PGCKA1: variants seen among roughly 807,000 people sequenced by gnomAD.
PGCKA1 encodes the protein PDCD10 and GCKIII kinases associated 1, also known as PDCD10 and GCKIII kinases-associated protein 1.
the PGCKA1 span, among the ~76,000 whole-genome samples, chr4:37,486,046 T>C: frequency 6.6e-6 from 1 of 152,240 alleles, no homozygotes; most frequent in African/African-American, 2.4e-5. Flanking sequence ...GATATGTCTT[T>C]GTTCAAGGTA....
the PGCKA1 span, among the ~76,000 whole-genome samples, chr4:37,565,140 G>T: frequency 6.6e-6 from 1 of 152,164 alleles, no homozygotes; most frequent in East Asian, 1.9e-4. Flanking sequence ...GATCTGGGAG[G>T]CTGGGGAGTG....
the PGCKA1 span, among the ~76,000 whole-genome samples, chr4:37,550,585 G>A: frequency 6.6e-6 from 1 of 152,130 alleles, no homozygotes; most frequent in Non-Finnish European, 1.5e-5. Context: ...GTATCATTGA[G>A]CATTGATGGA....
At chr4:37,559,809 C>T in the PGCKA1 span, among the ~76,000 whole-genome samples, 30 of 152,260 alleles carry the variant, frequency 2.0e-4, no homozygotes, top group African/African-American at 6.0e-4. Flanking sequence ...TCCGAACTTG[C>T]ATTATAATCT....
At chr4:37,476,070 A>G in the PGCKA1 span, among the ~76,000 whole-genome samples, 1 of 151,834 alleles carries the variant, frequency 6.6e-6, no homozygotes, top group South Asian at 2.1e-4. Context: ...AAAATAATGT[A>G]TCTGGCTCTA....
chr4:37,504,024 C>T, the PGCKA1 span, among the ~76,000 whole-genome samples: 14 of 152,148 alleles, frequency 9.2e-5, no homozygotes, highest in African/African-American at 3.4e-4. Context: ...TTTGTCCAGT[C>T]CAATGTCCTA....
At chr4:37,590,267 C>G in the PGCKA1 span, 2 of 1,614,172 alleles carry the variant, frequency 1.2e-6, no homozygotes, top group Non-Finnish European at 1.7e-6. Context: ...AGCAGGACAG[C>G]TGATCCATGG....
chr4:37,453,311 G>A, the PGCKA1 span, among the ~76,000 whole-genome samples: 1 of 152,162 alleles, frequency 6.6e-6, no homozygotes, highest in African/African-American at 2.4e-5. Context: ...AAGGGATGGA[G>A]GGGGAGTGGG....
the PGCKA1 span, among the ~76,000 whole-genome samples, chr4:37,574,664 C>G: frequency 6.6e-6 from 1 of 152,106 alleles, no homozygotes; most frequent in Non-Finnish European, 1.5e-5. Context: ...TGACTGTAGT[C>G]ACCTGTTAAG....
chr4:37,453,646 G>C, the PGCKA1 span, among the ~76,000 whole-genome samples: 1 of 152,134 alleles, frequency 6.6e-6, no homozygotes, highest in Non-Finnish European at 1.5e-5. Context: ...CGCAACATTG[G>C]AGTAAGCACC....
the PGCKA1 span, among the ~76,000 whole-genome samples, chr4:37,468,569 C>T: frequency 5.3e-5 from 8 of 152,176 alleles, no homozygotes; most frequent in Non-Finnish European, 1.2e-4. Context: ...TGGTGTTCAT[C>T]GTCTAAATGA....
chr4:37,494,301 C>G, the PGCKA1 span, among the ~76,000 whole-genome samples: 1 of 152,106 alleles, frequency 6.6e-6, no homozygotes, highest in Non-Finnish European at 1.5e-5. Flanking sequence ...CTCCAGTAGT[C>G]CTCCATGTCT....
the PGCKA1 span, among the ~76,000 whole-genome samples, chr4:37,521,663 CTG>C: frequency 6.6e-6 from 1 of 152,100 alleles, no homozygotes; most frequent in Non-Finnish European, 1.5e-5. Flanking sequence ...TATTCTGAAG[CTG>C]TTGGATGAAA....
chr4:37,581,028 C>T, the PGCKA1 span, among the ~76,000 whole-genome samples: 1 of 152,314 alleles, frequency 6.6e-6, no homozygotes. The surrounding 1 kb of genome is among the most constrained non-coding windows in gnomAD (Gnocchi z 4.4). Context: ...CTACCACAGG[C>T]CCACAGAGAG....
the PGCKA1 span, among the ~76,000 whole-genome samples, chr4:37,562,061 G>T: frequency 4.4e-4 from 67 of 152,214 alleles, no homozygotes; most frequent in African/African-American, 1.5e-3. Context: ...GCAAACAATG[G>T]GTCCATGAGA....
At chr4:37,519,882 T>C in the PGCKA1 span, among the ~76,000 whole-genome samples, 4 of 152,226 alleles carry the variant, frequency 2.6e-5, no homozygotes, top group Admixed American at 1.3e-4. Flanking sequence ...TTCAATATGA[T>C]ACTAGCTGTG....
chr4:37,481,464 CAAAAAAAAAAA>C, the PGCKA1 span, among the ~76,000 whole-genome samples: 2,031 of 60,746 alleles, frequency 0.033, 28 homozygotes, highest in East Asian at 0.12. Flanking sequence ...GACCTGTCTC[CAAAAAAAAAAA>C]AAAAAAAAAA....
chr4:37,535,404 T>G, the PGCKA1 span, among the ~76,000 whole-genome samples: 1 of 152,112 alleles, frequency 6.6e-6, no homozygotes, highest in African/African-American at 2.4e-5. Flanking sequence ...CAGAATATTT[T>G]TTCTCTATAT....
At chr4:37,517,228 G>A in the PGCKA1 span, among the ~76,000 whole-genome samples, 1 of 150,074 alleles carries the variant, frequency 6.7e-6, no homozygotes, top group African/African-American at 2.4e-5. Flanking sequence ...TTCAGCATGG[G>A]CAACAAGAGT....
the PGCKA1 span, among the ~76,000 whole-genome samples, chr4:37,463,763 A>G: frequency 1.3e-5 from 2 of 151,892 alleles, no homozygotes; most frequent in African/African-American, 4.8e-5. Flanking sequence ...GAATCTGCCT[A>G]GATTCAAAGA....
Sources: gnomAD v4.1 joint callset for allele counts (sites outside exome capture counted in the v4.1 genomes callset) on GRCh38, gnomAD v4.1.1 for gene constraint, Gnocchi (gnomAD v3.1) non-coding constraint, MANE v1.5 for transcripts, NCBI Gene and HGNC (gene_info 2026-07-23, HGNC 2026-07-21) for gene names.